Variants in ROBO2 observed in about 807,000 individuals in gnomAD.
The protein encoded by ROBO2 is roundabout homolog 2.
ROBO2 carries 53 observed loss-of-function variants against 160.8 expected under a neutral mutation model. The observed-to-expected ratio is 0.33, with a 90% confidence interval of 0.26 to 0.41. The LOEUF (loss-of-function observed/expected upper bound fraction) is 0.41. Ranked by LOEUF, ROBO2 falls within the 10% of genes least tolerant of loss-of-function variation. The pLI is 1.00. For synonymous variants in ROBO2, 664 were observed against 611.7 expected (o/e 1.09, Z -1.26); for missense variants, 1,577 against 1,722.4 (o/e 0.92, Z 1.49).
At chr3:76,681,322 C>T (rs985904779) in intron 2 of ROBO2, among the ~76,000 whole-genome samples, 7 of 152,176 alleles carry the variant, frequency 4.6e-5, no homozygotes, top group South Asian at 2.1e-4. Context: ...AAAAGAGGCA[C>T]GGAAATAATA....
intron 2 of ROBO2, among the ~76,000 whole-genome samples, chr3:76,432,185 G>A (rs2076466587): frequency 1.3e-5 from 2 of 152,072 alleles, no homozygotes; most frequent in Non-Finnish European, 2.9e-5. Flanking sequence ...TACAGAAGAG[G>A]TCTAGATTTT....
intron 2 of ROBO2, among the ~76,000 whole-genome samples, chr3:76,004,530 G>T (rs2065969320): frequency 6.6e-6 from 1 of 152,148 alleles, no homozygotes. Flanking sequence ...GTTACTGACA[G>T]ATTCAGTGCC....
chr3:77,116,535 T>C (rs187506644), intron 2 of ROBO2, among the ~76,000 whole-genome samples: 37 of 151,696 alleles, frequency 2.4e-4, no homozygotes, highest in African/African-American at 1.2e-4. Context: ...TCCTTCAGGG[T>C]GTTACTTGCC....
chr3:77,413,246 GA>G (rs556395888), intron 2 of ROBO2, among the ~76,000 whole-genome samples: 28 of 150,042 alleles, frequency 1.9e-4, no homozygotes, highest in African/African-American at 5.4e-4. Flanking sequence ...GGGTAAAAAA[GA>G]AAAAAAAAGT....
chr3:76,223,752 A>T (rs1704122486), intron 2 of ROBO2, among the ~76,000 whole-genome samples: 1 of 152,206 alleles, frequency 6.6e-6, no homozygotes, highest in Non-Finnish European at 1.5e-5. Flanking sequence ...AGAAGCTCTT[A>T]GGTCATTTGT....
intron 2 of ROBO2, among the ~76,000 whole-genome samples, chr3:77,382,905 TA>T (rs770477861): frequency 5.3e-5 from 8 of 152,322 alleles, no homozygotes; most frequent in Non-Finnish European, 8.8e-5. Flanking sequence ...AAAAAAGATC[TA>T]TTTGTAATGT....
At chr3:77,520,249 T>G (rs2090458116) in intron 5 of ROBO2, among the ~76,000 whole-genome samples, 1 of 151,468 alleles carries the variant, frequency 6.6e-6, no homozygotes, top group East Asian at 2.0e-4. Flanking sequence ...TAAACTATTT[T>G]CTTGCAGAGA....
intron 2 of ROBO2, among the ~76,000 whole-genome samples, chr3:76,019,953 A>G (rs917166539): frequency 6.6e-6 from 1 of 151,786 alleles, no homozygotes; most frequent in South Asian, 2.1e-4. Context: ...GGAATTGGCT[A>G]ATATTTGTAT....
At chr3:76,591,579 A>G (rs1301542483) in intron 2 of ROBO2, among the ~76,000 whole-genome samples, 1 of 152,162 alleles carries the variant, frequency 6.6e-6, no homozygotes, top group Non-Finnish European at 1.5e-5. Flanking sequence ...CTCAGGTGTT[A>G]TAAACTCAGG....
intron 2 of ROBO2, among the ~76,000 whole-genome samples, chr3:76,709,936 A>T (rs966353696): frequency 6.6e-6 from 1 of 152,082 alleles, no homozygotes; most frequent in Non-Finnish European, 1.5e-5. Context: ...AGCTCTTCTG[A>T]GGACATGGGA....
intron 2 of ROBO2, among the ~76,000 whole-genome samples, chr3:77,347,504 G>A (rs1034133711): frequency 2.6e-5 from 4 of 151,820 alleles, no homozygotes; most frequent in African/African-American, 9.7e-5. Context: ...AATCTATAGT[G>A]TGTCATATCT....
intron 17 of ROBO2, among the ~76,000 whole-genome samples, chr3:77,593,828 AT>A (rs1482225078): frequency 1.3e-5 from 2 of 152,180 alleles, no homozygotes; most frequent in Non-Finnish European, 2.9e-5. Context: ...AAGTGGCAAT[AT>A]ATCCTCTATT....
intron 2 of ROBO2, among the ~76,000 whole-genome samples, chr3:76,993,537 T>TA (rs1295310251): frequency 6.6e-6 from 1 of 152,122 alleles, no homozygotes; most frequent in Admixed American, 6.6e-5. Context: ...TGGCCTCCTT[T>TA]AAAAAAACAA....
intron 2 of ROBO2, among the ~76,000 whole-genome samples, chr3:76,834,318 G>A (rs1214216181): frequency 6.6e-6 from 1 of 151,126 alleles, no homozygotes; most frequent in Non-Finnish European, 1.5e-5. Context: ...TTCCCAAGTA[G>A]CTGTAACTAC....
At chr3:76,768,754 A>G (rs1412386916) in intron 2 of ROBO2, among the ~76,000 whole-genome samples, 1 of 151,084 alleles carries the variant, frequency 6.6e-6, no homozygotes, top group African/African-American at 2.4e-5. Flanking sequence ...TTTAAGTGTA[A>G]TAACAGTTCA....
chr3:77,296,342 C>A lies in ROBO2; in HGVS notation c.389-181072C>A, dbSNP rs187700018. 3.3e-5 allele frequency among the ~76,000 whole-genome samples: 5 copies of A among 150,794 alleles called. No individual in the cohort carries two copies. The East Asian group carries it at 9.9e-4, about 30-fold the overall frequency. On this transcript the variant is annotated intron_variant, in intron 2 of 25. Coordinates refer to ENST00000461745, the Ensembl canonical transcript of ROBO2. ...ACGGGCAAGCTGAGGCTAGATCACCCCAGACATAAAGTAAAATTGACGGTT... is the reference window on the plus strand; with the variant it reads ...ACGGGCAAGCTGAGGCTAGATCACCACAGACATAAAGTAAAATTGACGGTT...
rs1440769244 is a variant in ROBO2 at position 76,272,879 on chromosome 3, TA to T, written c.109+335278del. ...TAAAATATATAAAATATATAATATA[TA>T]TTTATATATAAAAATATAATATATA... On this transcript the variant is annotated intron_variant, in intron 2 of 26. Coordinates refer to the ROBO2 transcript ENST00000487694. 6.7e-5 allele frequency among the ~76,000 whole-genome samples: 5 copies of T among 74,112 alleles called. 1 individual carries two copies. The highest frequency in any genetic ancestry group is 2.4e-4 in the African/African-American group (4 of 16,732). The allele number at this position is 74,112 out of a possible 152,430, so 48.6% of individuals were successfully genotyped here.
intron 1 of ROBO2, among the ~76,000 whole-genome samples, chr3:77,067,219 G>C (rs2066952124): frequency 6.6e-6 from 1 of 152,098 alleles, no homozygotes; most frequent in Non-Finnish European, 1.5e-5. Context: ...ACTGAAGCCA[G>C]AGTCCCTCCA....
intron 2 of ROBO2, among the ~76,000 whole-genome samples, chr3:76,163,741 A>G (rs1173578921): frequency 7.0e-6 from 1 of 143,796 alleles, no homozygotes; most frequent in Non-Finnish European, 1.6e-5. Context: ...AAATGCACAT[A>G]CCATAATTAG....
Sources: gnomAD v4.1 joint callset for allele counts (sites outside exome capture counted in the v4.1 genomes callset) on GRCh38, gnomAD v4.1.1 for gene constraint, MANE v1.5 for transcripts, NCBI Gene and HGNC (gene_info 2026-07-23, HGNC 2026-07-21) for gene names.